Variants in EBPL observed in about 807,000 individuals in gnomAD.
EBPL encodes emopamil-binding protein-like.
EBPL carries 20 observed loss-of-function variants against 19.0 expected under a neutral mutation model. The observed-to-expected ratio is 1.05, with a 90% CI of 0.74 to 1.53. The LOEUF (loss-of-function observed/expected upper bound fraction) is 1.53, where lower values mean the gene tolerates loss of function less well. Among genes scored for constraint, EBPL ranks in the 40% most tolerant of loss-of-function variants. EBPL has a pLI of 0.00. For synonymous variants in EBPL, 107 were observed against 117.0 expected (o/e 0.91, Z 0.55); for missense variants, 219 against 261.1 (o/e 0.84, Z 1.11).
At chr13:49,684,653 C>A (rs773133374) in intron 1 of EBPL, among the ~76,000 whole-genome samples, 4 of 151,868 alleles carry the variant, frequency 2.6e-5, no homozygotes, top group Non-Finnish European at 4.4e-5. Context: ...CCAGCCTGGG[C>A]GAACAGAGTG....
At chr13:49,685,708 A>G (rs138857020) in intron 1 of EBPL, among the ~76,000 whole-genome samples, 3,129 of 152,142 alleles carry the variant, frequency 0.021, 43 homozygotes, top group South Asian at 0.029. Context: ...CCGTGTCTCT[A>G]CTAAAAATAC....
At chr13:49,673,698 A>C (rs1342960409) in intron 1 of EBPL, among the ~76,000 whole-genome samples, 1 of 152,136 alleles carries the variant, frequency 6.6e-6, no homozygotes, top group Non-Finnish European at 1.5e-5. Context: ...CAGCCTCCCC[A>C]AGTGCTGGGA....
intron 3 of EBPL, among the ~76,000 whole-genome samples, chr13:49,662,316 C>G (rs1212615188): frequency 6.6e-6 from 1 of 152,152 alleles, no homozygotes; most frequent in Non-Finnish European, 1.5e-5. Context: ...CCGCCTGCCC[C>G]ATATCCTTCA....
At chr13:49,669,550 CA>C (rs1259450693) in intron 2 of EBPL, among the ~76,000 whole-genome samples, 1 of 151,962 alleles carries the variant, frequency 6.6e-6, no homozygotes, top group East Asian at 1.9e-4. Flanking sequence ...TTCATTACCC[CA>C]AAAAGAAATC....
intron 1 of EBPL, among the ~76,000 whole-genome samples, chr13:49,671,982 C>G (rs975073401): frequency 6.6e-6 from 1 of 152,154 alleles, no homozygotes; most frequent in Admixed American, 6.6e-5. Flanking sequence ...CAGCCCTAAC[C>G]CCCTTCTTCA....
intron 3 of EBPL, among the ~76,000 whole-genome samples, chr13:49,662,695 T>C (rs1965167727): frequency 6.6e-6 from 1 of 152,072 alleles, no homozygotes; most frequent in Admixed American, 6.6e-5. Flanking sequence ...TGCAGTGGCG[T>C]GATCATGGCT....
At position 49,663,306 on chromosome 13, in the gene EBPL, C is replaced by T. The variant is rs117918636; in HGVS notation, c.242-111G>A. 2,092 of 1,367,820 alleles carry T rather than the reference C, an allele frequency of 1.5e-3. 47 individuals carry two copies. The East Asian group carries it at 0.035, about 23-fold the overall frequency. 84.7% of individuals were successfully genotyped at this position (1,367,820 alleles called of 1,614,324 possible). A position where few individuals can be genotyped will look rare whatever the true frequency, so the allele number is the denominator to read the frequency against. On this transcript the variant is annotated intron_variant, in intron 2 of 3. Coordinates refer to ENST00000242827, the MANE Select transcript of EBPL (RefSeq NM_032565.5). ...AGATAAAATGAGTAATCGCCACTCT[C>T]TCTGCATTCTTCACGATGCCTTAGT...
chr13:49,670,914 T>C (rs1038134731), intron 1 of EBPL, among the ~76,000 whole-genome samples: 2 of 152,236 alleles, frequency 1.3e-5, no homozygotes, highest in African/African-American at 4.8e-5. Context: ...TGCTTGTGCA[T>C]TGTTGAGACT....
At chr13:49,670,203 G>C (rs960507517) in intron 1 of EBPL, among the ~76,000 whole-genome samples, 1 of 151,998 alleles carries the variant, frequency 6.6e-6, no homozygotes, top group African/African-American at 2.4e-5. Flanking sequence ...AAGTCTTTGC[G>C]GAGAACCCCA....
At position 49,691,380 on chromosome 13, in the gene EBPL, C is replaced by T; in HGVS notation, c.45G>A (p.Leu15=). 7.3e-7 allele frequency: 1 copy of T among 1,363,448 alleles called. No homozygotes were observed. The highest frequency in any genetic ancestry group is 2.2e-5 in the South Asian group (1 of 46,280). The allele number at this position is 1,363,448 out of a possible 1,614,324, so 84.5% of individuals were successfully genotyped here. ...CCGCCAGCAGCGCGGCGCACAGCAG[C>T]AGCGAACCGCCAGCCTCGGCCCCCA... ...WELGAEAGGS[L]LLCAALLAAG... The change falls in exon 1 of 4, where the codon CTG becomes CTA. Residue 15 remains leucine, a synonymous_variant. Coordinates refer to ENST00000242827, the MANE Select transcript of EBPL (RefSeq NM_032565.5).
chr13:49,687,384 C>T (rs1039135657), intron 1 of EBPL, among the ~76,000 whole-genome samples: 1 of 152,276 alleles, frequency 6.6e-6, no homozygotes, highest in East Asian at 1.9e-4. Flanking sequence ...CTTTTTGTTG[C>T]TCTTCTTGCC....
At chr13:49,684,052 G>A (rs1953971335) in intron 1 of EBPL, among the ~76,000 whole-genome samples, 1 of 152,176 alleles carries the variant, frequency 6.6e-6, no homozygotes, top group African/African-American at 2.4e-5. Context: ...TGAAATTATA[G>A]GACAGCAAAA....
At chr13:49,676,019 TA>T (rs1953872189) in intron 1 of EBPL, among the ~76,000 whole-genome samples, 1 of 152,258 alleles carries the variant, frequency 6.6e-6, no homozygotes, top group Non-Finnish European at 1.5e-5. Flanking sequence ...GAGGAATTTC[TA>T]TTCAAATCCT....
intron 1 of EBPL, among the ~76,000 whole-genome samples, chr13:49,671,741 T>G (rs1034044359): frequency 6.6e-6 from 1 of 152,170 alleles, no homozygotes; most frequent in African/African-American, 2.4e-5. Context: ...TCCTATAGAT[T>G]GTAAATCTCA....
chr13:49,670,392 G>T (rs1433230663), intron 1 of EBPL, among the ~76,000 whole-genome samples: 1 of 152,224 alleles, frequency 6.6e-6, no homozygotes, highest in Non-Finnish European at 1.5e-5. Flanking sequence ...TGCAATTACA[G>T]TTAGTATTTT....
At chr13:49,665,968 C>A (rs1490759557) in intron 2 of EBPL, among the ~76,000 whole-genome samples, 2 of 152,166 alleles carry the variant, frequency 1.3e-5, no homozygotes, top group African/African-American at 4.8e-5. Context: ...TGGACTTCTG[C>A]CTGAGGGCTA....
intron 1 of EBPL, among the ~76,000 whole-genome samples, chr13:49,676,320 A>T (rs1352804969): frequency 6.6e-6 from 1 of 152,218 alleles, no homozygotes; most frequent in Non-Finnish European, 1.5e-5. Flanking sequence ...GGCCGGGTGC[A>T]GTGGCTCACG....
chr13:49,689,878 G>C (rs1430919395), intron 1 of EBPL, among the ~76,000 whole-genome samples: 1 of 152,010 alleles, frequency 6.6e-6, no homozygotes, highest in East Asian at 1.9e-4. Context: ...TGGCGGTGGC[G>C]GTGGCTCACG....
In EBPL at chr13:49,660,778, A is replaced by G. The variant is rs2137478593; in HGVS notation, c.*190T>C. The stretch of plus-strand genomic sequence containing the variant: ...AATTCAAATTTGTTCTCTTTTCCCT[A>G]TATCACCATTTAATTGAACAACAAT... On this transcript the variant is annotated 3_prime_UTR_variant, in exon 4 of 4. Coordinates refer to ENST00000242827, the MANE Select transcript of EBPL (RefSeq NM_032565.5). 1.9e-6 allele frequency: 1 copy of G among 515,630 alleles called. No homozygotes were observed. The highest frequency in any genetic ancestry group is 3.4e-6 in the Non-Finnish European group (1 of 292,902). The allele number at this position is 515,630 out of a possible 1,614,324, so 31.9% of individuals were successfully genotyped here.
Sources: gnomAD v4.1 joint callset for allele counts (sites outside exome capture counted in the v4.1 genomes callset) on GRCh38, gnomAD v4.1.1 for gene constraint, MANE v1.5 for transcripts, NCBI Gene and HGNC (gene_info 2026-07-23, HGNC 2026-07-21) for gene names.